ATP8A2: variants seen among roughly 807,000 people sequenced by gnomAD.
ATP8A2 encodes the protein ATPase phospholipid transporting 8A2.
In ATP8A2, 100 loss-of-function variants were observed where a neutral mutation model predicts 165.6. That is an observed-to-expected ratio of 0.60 (90% CI 0.51 to 0.71). The LOEUF is 0.71. Ranked by LOEUF, ATP8A2 falls within the 30% of genes least tolerant of loss-of-function variation. The pLI is 0.00. For synonymous variants in ATP8A2, 543 were observed against 548.8 expected (o/e 0.99, Z 0.15); for missense variants, 1,227 against 1,479.5 (o/e 0.83, Z 2.80).
intron 35 of ATP8A2, among the ~76,000 whole-genome samples, chr13:25,993,492 T>A (rs1193220829): frequency 1.3e-5 from 2 of 152,224 alleles, no homozygotes; most frequent in Non-Finnish European, 2.9e-5. Context: ...TAGTTTTATA[T>A]TTTACTTTCA....
At chr13:25,776,594 A>G (rs1457460931) in intron 27 of ATP8A2, among the ~76,000 whole-genome samples, 4 of 152,068 alleles carry the variant, frequency 2.6e-5, no homozygotes, top group Admixed American at 2.0e-4. Flanking sequence ...TATTTTTACA[A>G]TTCCCTTTTG....
intron 2 of ATP8A2, among the ~76,000 whole-genome samples, chr13:25,514,752 A>G (rs1291658923): frequency 6.6e-6 from 1 of 152,006 alleles, no homozygotes; most frequent in African/African-American, 2.4e-5. Context: ...TTTGCTTTCT[A>G]TGCTTGCCAC....
At chr13:25,602,310 C>T (rs1325468288) in intron 24 of ATP8A2, among the ~76,000 whole-genome samples, 1 of 152,082 alleles carries the variant, frequency 6.6e-6, no homozygotes, top group East Asian at 1.9e-4. Flanking sequence ...GGAAACAGGG[C>T]TGGCGGGGAG....
intron 1 of ATP8A2, among the ~76,000 whole-genome samples, chr13:25,416,995 G>A (rs553293075): frequency 6.6e-6 from 1 of 151,624 alleles, no homozygotes; most frequent in African/African-American, 2.4e-5. Context: ...TTGCTGCTTG[G>A]AATTGCCATG....
intron 2 of ATP8A2, among the ~76,000 whole-genome samples, chr13:25,510,004 G>A (rs922699992): frequency 1.3e-5 from 2 of 152,210 alleles, no homozygotes; most frequent in African/African-American, 4.8e-5. Flanking sequence ...GGCCAGTAGA[G>A]GGCACTGTGC....
At chr13:25,694,654 G>A (rs2042798000) in intron 24 of ATP8A2, among the ~76,000 whole-genome samples, 1 of 152,190 alleles carries the variant, frequency 6.6e-6, no homozygotes, top group South Asian at 2.1e-4. Flanking sequence ...TTGAGATTCA[G>A]AATTACAAAG....
chr13:25,957,291 G>A (rs980734169), intron 33 of ATP8A2, among the ~76,000 whole-genome samples: 3 of 151,946 alleles, frequency 2.0e-5, no homozygotes, highest in Non-Finnish European at 4.4e-5. Flanking sequence ...AAACTAAAGA[G>A]CATCAGCAAA....
chr13:25,375,655 C>T (rs1317140449), intron 1 of ATP8A2, among the ~76,000 whole-genome samples: 1 of 149,878 alleles, frequency 6.7e-6, no homozygotes, highest in African/African-American at 2.5e-5. Flanking sequence ...TCACTGCAAC[C>T]TCCGCCTCCC....
chr13:25,571,115 A>G (rs937170168), intron 17 of ATP8A2, among the ~76,000 whole-genome samples: 6 of 152,166 alleles, frequency 3.9e-5, no homozygotes, highest in Non-Finnish European at 8.8e-5. Flanking sequence ...TGCATCTCCC[A>G]GCAGAGGTGA....
chr13:25,927,923 G>A (rs188440725), intron 33 of ATP8A2, among the ~76,000 whole-genome samples: 3 of 152,326 alleles, frequency 2.0e-5, no homozygotes, highest in Non-Finnish European at 4.4e-5. Flanking sequence ...GCCGAAGATG[G>A]CTTTGAAAGC....
At chr13:25,502,733 C>T (rs976180861) in intron 2 of ATP8A2, among the ~76,000 whole-genome samples, 7 of 152,174 alleles carry the variant, frequency 4.6e-5, no homozygotes, top group Admixed American at 6.5e-5. Flanking sequence ...ACTGTGTGTG[C>T]GTGTCGTATC....
At chr13:25,790,706 A>T (rs926647649) in intron 27 of ATP8A2, among the ~76,000 whole-genome samples, 7 of 152,100 alleles carry the variant, frequency 4.6e-5, no homozygotes, top group South Asian at 2.1e-4. Flanking sequence ...AAAAAAAAAA[A>T]AAATAAGCAA....
intron 33 of ATP8A2, among the ~76,000 whole-genome samples, chr13:25,922,303 G>A: frequency 6.6e-6 from 1 of 152,150 alleles, no homozygotes; most frequent in East Asian, 1.9e-4. Flanking sequence ...AGGGCCCCAG[G>A]TGGATTTATA....
chr13:25,724,783 G>A (rs1037943353), intron 25 of ATP8A2, among the ~76,000 whole-genome samples: 2 of 152,146 alleles, frequency 1.3e-5, no homozygotes, highest in African/African-American at 4.8e-5. Context: ...TTTTTATGAT[G>A]TCCTAGGCCC....
At chr13:25,910,269 G>C (rs1177088288) in intron 33 of ATP8A2, among the ~76,000 whole-genome samples, 9 of 152,156 alleles carry the variant, frequency 5.9e-5, no homozygotes, top group Admixed American at 5.9e-4. Flanking sequence ...ATGGGTATAG[G>C]CCCTTATTGG....
At position 25,787,738 on chromosome 13, in the gene ATP8A2, C is replaced by T. The variant is rs998516864; in HGVS notation, c.2679+12779C>T. On this transcript the variant is annotated intron_variant, in intron 27 of 36. Transcript: ENST00000381655. The stretch of plus-strand genomic sequence containing the variant: ...GGGCCTCTCTGCCTCAGGGCCTCTC[C>T]GGCATAGGTGTCCCATGGTTGGGGA... Among the ~76,000 whole-genome samples the T allele has an allele frequency of 1.1e-4, 17 of 152,206 alleles. No homozygotes were observed. The East Asian group carries it at 1.3e-3, about 12-fold the overall frequency.
At chr13:25,415,619 A>G (rs2034109959) in intron 1 of ATP8A2, among the ~76,000 whole-genome samples, 1 of 152,136 alleles carries the variant, frequency 6.6e-6, no homozygotes, top group African/African-American at 2.4e-5. Context: ...CCTAACTGAC[A>G]TCCTGAGTCT....
intron 35 of ATP8A2, among the ~76,000 whole-genome samples, chr13:25,992,217 C>T (rs1416021930): frequency 3.5e-5 from 5 of 140,914 alleles, no homozygotes; most frequent in South Asian, 2.2e-4. Flanking sequence ...TCAGTGCTGT[C>T]CTTTTTTTTT....
At chr13:25,525,430 G>T (rs554519789) in intron 2 of ATP8A2, among the ~76,000 whole-genome samples, 99 of 152,234 alleles carry the variant, frequency 6.5e-4, no homozygotes, top group African/African-American at 2.3e-3. Context: ...CTATTTGCAT[G>T]TTAGTGTTTG....
Sources: gnomAD v4.1 joint callset for allele counts (sites outside exome capture counted in the v4.1 genomes callset) on GRCh38, gnomAD v4.1.1 for gene constraint, MANE v1.5 for transcripts, NCBI Gene and HGNC (gene_info 2026-07-23, HGNC 2026-07-21) for gene names.